Variants in DTD1 observed in about 807,000 individuals in gnomAD.
DTD1 encodes the protein D-aminoacyl-tRNA deacylase 1, also known as D-tyrosyl-tRNA deacylase 1 homolog.
In DTD1, 13 loss-of-function variants were observed where a neutral mutation model predicts 25.6. That is an observed-to-expected ratio of 0.51 (90% confidence interval 0.33 to 0.81). The LOEUF is 0.81. Ranked by LOEUF, DTD1 falls within the 30% of genes least tolerant of loss-of-function variation. DTD1 has a pLI of 0.02. For synonymous variants in DTD1, 110 were observed against 103.6 expected (o/e 1.06, Z -0.37); for missense variants, 193 against 266.4 (o/e 0.72, Z 1.92).
intron 4 of DTD1, among the ~76,000 whole-genome samples, chr20:18,715,897 G>A (rs561305097): frequency 3.9e-5 from 6 of 152,100 alleles, no homozygotes; most frequent in Non-Finnish European, 8.8e-5. Context: ...AGATATTCTG[G>A]TTGTATCTGG....
intron 4 of DTD1, among the ~76,000 whole-genome samples, chr20:18,658,421 G>A (rs1461820719): frequency 6.6e-6 from 1 of 151,744 alleles, no homozygotes; most frequent in Non-Finnish European, 1.5e-5. Context: ...CGCCTCCCAG[G>A]TTCATGCCAT....
intron 5 of DTD1, among the ~76,000 whole-genome samples, chr20:18,745,851 A>G (rs1370780898): frequency 6.6e-6 from 1 of 152,184 alleles, no homozygotes; most frequent in Admixed American, 6.5e-5. Context: ...TTTTAAGTGT[A>G]CAAGTGACAT....
At chr20:18,628,305 CCTCGGT>C in intron 4 of DTD1, 72 bp downstream of exon 4, 2 of 1,138,764 alleles carry the variant, frequency 1.8e-6, no homozygotes, top group Non-Finnish European at 2.6e-6. Flanking sequence ...CTGGAAGAGT[CCTCGGT>C]CTGAGGAAAT....
rs903624270 is a variant in DTD1, at chr20:18,636,201, A to T, written c.477+7968A>T. ...TTGCTGACTTGACCTGCCAAAGATT[A>T]ACAGCATCCTTTTTATTCTGAAGGG... is the stretch of plus-strand genomic sequence containing the variant. On this transcript the variant is annotated intron_variant, in intron 4 of 5. Coordinates refer to ENST00000377452, the MANE Select transcript of DTD1 (RefSeq NM_080820.6). Among the ~76,000 whole-genome samples the T allele has an allele frequency of 2.6e-5, 4 of 152,352 alleles. No homozygotes were observed. The East Asian group carries it at 5.8e-4, about 22-fold the overall frequency.
intron 5 of DTD1, among the ~76,000 whole-genome samples, chr20:18,758,774 T>C (rs2061349309): frequency 6.6e-6 from 1 of 152,240 alleles, no homozygotes; most frequent in African/African-American, 2.4e-5. Flanking sequence ...GTTCTGTAGA[T>C]GTCTATTAGG....
At chr20:18,734,442 C>T (rs6075407) in intron 4 of DTD1, among the ~76,000 whole-genome samples, 47,687 of 152,140 alleles carry the variant, frequency 0.31, 8,019 homozygotes, top group Non-Finnish European at 0.38. Flanking sequence ...TCATGATAAT[C>T]CATTCCCGAA....
rs1194986026 is a variant in DTD1 at position 18,664,854 on chromosome 20, G to A, written c.477+36621G>A. ...AGGCCTTACCCTTCTCAGGCATCTA[G>A]AGCTAGGTTAGGGTCACTAGTTGCC... On this transcript the variant is annotated intron_variant, in intron 4 of 5. Coordinates refer to ENST00000377452, the MANE Select transcript of DTD1 (RefSeq NM_080820.6). Among the ~76,000 whole-genome samples the A allele has an allele frequency of 3.9e-5, 6 of 152,194 alleles. No individual in the cohort carries two copies. The East Asian group carries it at 1.2e-3, about 29-fold the overall frequency.
chr20:18,742,875 A>AG (rs1300488313), intron 4 of DTD1, among the ~76,000 whole-genome samples: 1 of 152,206 alleles, frequency 6.6e-6, no homozygotes, highest in Non-Finnish European at 1.5e-5. Context: ...GATGTGGGGC[A>AG]GGGACCAGCA....
At chr20:18,761,847 T>G (rs546432616) in intron 5 of DTD1, among the ~76,000 whole-genome samples, 5 of 152,342 alleles carry the variant, frequency 3.3e-5, no homozygotes, top group African/African-American at 9.6e-5. Context: ...CCACACAATG[T>G]AAGAACAAAT....
chr20:18,637,392 T>G (rs983729322), intron 4 of DTD1, among the ~76,000 whole-genome samples: 4 of 152,174 alleles, frequency 2.6e-5, no homozygotes. Context: ...CTCAATATGT[T>G]AGTGACTGAT....
chr20:18,739,121 T>G (rs920246293), intron 4 of DTD1, among the ~76,000 whole-genome samples: 15 of 152,260 alleles, frequency 9.9e-5, no homozygotes, highest in African/African-American at 3.4e-4. Flanking sequence ...GGCCTCAGGC[T>G]CCACCCTGCC....
At chr20:18,596,829 C>T (rs2060613954) in intron 3 of DTD1, among the ~76,000 whole-genome samples, 2 of 151,568 alleles carry the variant, frequency 1.3e-5, no homozygotes, top group African/African-American at 4.8e-5. Context: ...TATATCTCTG[C>T]CCCCGCATGC....
intron 4 of DTD1, among the ~76,000 whole-genome samples, chr20:18,678,194 A>G (rs1217210805): frequency 6.6e-6 from 1 of 152,242 alleles, no homozygotes; most frequent in Non-Finnish European, 1.5e-5. Context: ...GACCTGATGT[A>G]GATAGCCTCA....
intron 4 of DTD1, among the ~76,000 whole-genome samples, chr20:18,700,551 G>A (rs949852933): frequency 6.6e-6 from 1 of 151,522 alleles, no homozygotes; most frequent in Non-Finnish European, 1.5e-5. Context: ...GATACAAGTG[G>A]GATTTTTTTT....
At chr20:18,681,425 T>A (rs1338936193) in intron 4 of DTD1, among the ~76,000 whole-genome samples, 3 of 152,210 alleles carry the variant, frequency 2.0e-5, no homozygotes, top group African/African-American at 7.2e-5. Flanking sequence ...TTTGTCTGGA[T>A]TGCACATATC....
Position 18,712,267 on chromosome 20 carries a change from G to A in DTD1, c.478-31833G>A, listed in dbSNP as rs79259221. Among the ~76,000 whole-genome samples the A allele has an allele frequency of 8.8e-3, 1,332 of 152,050 alleles. 14 individuals carry two copies. Among genetic ancestry groups the A allele is most frequent in the South Asian group, 0.035 (168 of 4,826 alleles). ...CAGGGGTTCTTGTTTGTAATTTTTT[G>A]TGCTCTCCACAGGGATTAGCACAAG... On this transcript the variant is annotated intron_variant, in intron 4 of 5. Transcript: ENST00000377452.
intron 3 of DTD1, among the ~76,000 whole-genome samples, chr20:18,620,484 A>C (rs548391384): frequency 3.8e-4 from 58 of 152,314 alleles, no homozygotes; most frequent in African/African-American, 1.3e-3. Context: ...AACTGAACCA[A>C]CTAAATTAAT....
chr20:18,693,276 A>G (rs1020026431), intron 4 of DTD1, among the ~76,000 whole-genome samples: 4 of 152,174 alleles, frequency 2.6e-5, no homozygotes, highest in Non-Finnish European at 4.4e-5. Context: ...GGGAGGGAAC[A>G]TTTGTTTATA....
At chr20:18,659,561 CA>C (rs1451946558) in intron 4 of DTD1, among the ~76,000 whole-genome samples, 1 of 152,068 alleles carries the variant, frequency 6.6e-6, no homozygotes, top group Non-Finnish European at 1.5e-5. Context: ...TATGGTTAAT[CA>C]AAAAATATAT....
Sources: gnomAD v4.1 joint callset for allele counts (sites outside exome capture counted in the v4.1 genomes callset) on GRCh38, gnomAD v4.1.1 for gene constraint, MANE v1.5 for transcripts, NCBI Gene and HGNC (gene_info 2026-07-23, HGNC 2026-07-21) for gene names.